Variants in NIT2 observed in about 807,000 individuals in gnomAD.
NIT2 encodes the protein omega-amidase NIT2.
NIT2 carries 46 observed loss-of-function variants against 42.7 expected under a neutral mutation model. The observed-to-expected ratio is 1.08, with a 90% CI of 0.85 to 1.38. The LOEUF is 1.38. NIT2 is among the 40% of genes most tolerant of loss of function. The probability of loss-of-function intolerance (pLI) is 0.00; values close to 1 mark genes in which losing one functional copy is unlikely to be tolerated. For missense variants in NIT2, 309 were observed against 342.5 expected, an observed-to-expected ratio of 0.90 and a Z score of 0.77; for synonymous variants, 123 against 121.9, an observed-to-expected ratio of 1.01 and a Z score of -0.06.
At chr3:100,338,189 G>A (rs1706100921) in intron 1 of NIT2, among the ~76,000 whole-genome samples, 1 of 152,218 alleles carries the variant, frequency 6.6e-6, no homozygotes, top group African/African-American at 2.4e-5. Flanking sequence ...AAATAAGCTT[G>A]GAAGAGCCCC....
rs779332530 is a variant in NIT2 at position 100,339,205 on chromosome 3, G to A, written c.126G>A (p.Pro42=). ...AAGGAGCCAAAATAGTTTCTTTGCC[G>A]GTCAGTATGGGAGCAGCCATTCTGT... The part of the protein sequence containing the change: ...ATQGAKIVSL[P]ECFNSPYGAK... The change falls in exon 2 of 10, where the codon CCG becomes CCA. Residue 42 remains proline (P), a splice_region_variant and synonymous_variant. Coordinates refer to ENST00000394140, the MANE Select transcript of NIT2 (RefSeq NM_020202.5). 7.6e-6 allele frequency: 12 copies of A among 1,580,450 alleles called. No homozygotes were observed. The East Asian group carries it at 1.8e-4, about 24-fold the overall frequency.
rs1472382904 is a variant in NIT2, at chr3:100,361,381, T to C, written c.*6113T>C. On this transcript the variant is annotated 3_prime_UTR_variant, in exon 10 of 10. Transcript: ENST00000394140. Reference sequence around the variant, plus strand: ...CAGGACAACACTTGCACAGGTTATCTTTAAGCACCAACAAAAGAAATGGAG... The same window carrying C: ...CAGGACAACACTTGCACAGGTTATCCTTAAGCACCAACAAAAGAAATGGAG... 1.3e-5 allele frequency: 2 copies of C among 152,208 alleles called. No homozygotes were observed. Among genetic ancestry groups the C allele is most frequent in the Non-Finnish European group, 2.9e-5 (2 of 68,072 alleles). The allele number at this position is 152,208 out of a possible 1,614,324, so 9.4% of individuals were successfully genotyped here. A position where few individuals can be genotyped will look rare whatever the true frequency, so the allele number is the denominator to read the frequency against.
chr3:100,346,301 G>T, intron 6 of NIT2, 46 bp downstream of exon 6: 1 of 1,547,702 alleles, frequency 6.5e-7, no homozygotes. Context: ...TGGAGGCTTG[G>T]TTCTAGGCTG....
In NIT2 at chr3:100,334,864, G is replaced by A. The variant is rs556855493; in HGVS notation, c.7+66G>A. 3.1e-6 allele frequency: 4 copies of A among 1,269,998 alleles called. No individual in the cohort carries two copies. In the East Asian group the frequency reaches 1.2e-4, roughly 37 times the overall value. 78.7% of individuals were successfully genotyped at this position (1,269,998 alleles called of 1,614,324 possible). A position where few individuals can be genotyped will look rare whatever the true frequency, so the allele number is the denominator to read the frequency against. On this transcript the variant is annotated intron_variant, in intron 1 of 9. Coordinates refer to ENST00000394140, the MANE Select transcript of NIT2 (RefSeq NM_020202.5). ...GCGGGGGAGGCTTTGGAGCGGCGCC[G>A]GCGGTGGCTCGGCCGGCTCAGCCCC...
At chr3:100,340,036 A>G (rs1442684727) in intron 3 of NIT2, 101 bp downstream of exon 3, 8 of 926,740 alleles carry the variant, frequency 8.6e-6, no homozygotes, top group African/African-American at 1.7e-5. Context: ...GGGAAGCTTC[A>G]GCTTGGGAAG....
At chr3:100,335,469 T>C (rs1171159995) in intron 1 of NIT2, among the ~76,000 whole-genome samples, 1 of 152,212 alleles carries the variant, frequency 6.6e-6, no homozygotes, top group Non-Finnish European at 1.5e-5. Context: ...TTATGATGAA[T>C]ATTAGGGCAG....
At position 100,352,347 on chromosome 3, in the gene NIT2, A is replaced by G. The variant is rs115726824; in HGVS notation, c.585-57A>G. 5.5e-3 allele frequency: 7,417 copies of G among 1,358,310 alleles called. 45 individuals carry two copies. Among genetic ancestry groups the G allele is most frequent in the South Asian group, 8.3e-3 (704 of 84,382 alleles). The allele number at this position is 1,358,310 out of a possible 1,614,324, so 84.1% of individuals were successfully genotyped here. On this transcript the variant is annotated intron_variant, in intron 7 of 9. Transcript: ENST00000394140. ...AAAGAAGGATCTATCTACTTGGGTT[A>G]GAAAAATGTCAGATTTATAATGTAC...
rs1706332316 is a variant in NIT2, at chr3:100,357,243, A to C, written c.*1975A>C. ...CTAGACTATAGTACCACTGCTCTCTATCCTAGCAGGCACACTGAAAGTTAA... is the reference window on the plus strand; with the variant it reads ...CTAGACTATAGTACCACTGCTCTCTCTCCTAGCAGGCACACTGAAAGTTAA... On this transcript the variant is annotated 3_prime_UTR_variant, in exon 10 of 10. Transcript: ENST00000394140. The C allele has an allele frequency of 6.6e-6, 1 of 152,198 alleles. No homozygotes were observed. Among genetic ancestry groups the C allele is most frequent in the African/African-American group, 2.4e-5 (1 of 41,442 alleles). The allele number at this position is 152,198 out of a possible 1,614,324, so 9.4% of individuals were successfully genotyped here.
At position 100,339,946 on chromosome 3, in the gene NIT2, A is replaced by G; in HGVS notation, c.247+11A>G. On this transcript the variant is annotated intron_variant, in intron 3 of 9. Transcript: ENST00000394140. ...TATATCTCATTGGAGGTAACTTCCT[A>G]CCCACAAGGTATAATGACCTAAACA... 2 of 1,609,906 alleles carry G rather than the reference A, an allele frequency of 1.2e-6. No homozygotes were observed. The highest frequency in any genetic ancestry group is 2.2e-5 in the South Asian group (2 of 90,028).
rs1280071377 is a variant in NIT2 at position 100,335,346 on chromosome 3, T to G, written c.7+548T>G. On this transcript the variant is annotated intron_variant, in intron 1 of 9. Coordinates refer to ENST00000394140, the MANE Select transcript of NIT2 (RefSeq NM_020202.5). ...GTTAATGATACCTCACACAATGATG[T>G]TAATGTGTGAAGGACCTGGCACATT... 2.6e-5 allele frequency among the ~76,000 whole-genome samples: 4 copies of G among 152,258 alleles called. No individual in the cohort carries two copies. In the East Asian group the frequency reaches 7.7e-4, roughly 29 times the overall value.
intron 1 of NIT2, among the ~76,000 whole-genome samples, chr3:100,337,604 C>G (rs1706093523): frequency 6.6e-6 from 1 of 152,132 alleles, no homozygotes; most frequent in Non-Finnish European, 1.5e-5. Context: ...CAGGTGCCCA[C>G]CACCACACCT....
rs746649909 is a variant in NIT2, at chr3:100,346,240, A to G, written c.490A>G (p.Ile164Val). The change falls in exon 6 of 10, where the codon ATC becomes GTC. Residue 164 changes from isoleucine to valine, a missense_variant. Physicochemically the swap from Ile to Val is conservative, Grantham distance 29. Transcript: ENST00000394140. ...CATGCGGTTTGCAGAGCTTGCACAA[A>G]TCTACGCACAGAGAGGTGAGGCAGT... ...YDMRFAELAQ[I>V]YAQRGCQLLV... is the part of the protein sequence containing the mutation. 1.2e-6 allele frequency: 2 copies of G among 1,614,100 alleles called. No homozygotes were observed. The highest frequency in any genetic ancestry group is 2.2e-5 in the South Asian group (2 of 91,078).
intron 4 of NIT2, among the ~76,000 whole-genome samples, chr3:100,341,705 A>G (rs1706156270): frequency 6.6e-6 from 1 of 152,058 alleles, no homozygotes; most frequent in Non-Finnish European, 1.5e-5. Flanking sequence ...CATTGAATAT[A>G]TAGAGAACAC....
In NIT2 at chr3:100,358,629, GATA is replaced by G. The variant is rs1343084246; in HGVS notation, c.*3366_*3368del. On this transcript the variant is annotated 3_prime_UTR_variant, in exon 10 of 10. Coordinates refer to ENST00000394140, the MANE Select transcript of NIT2 (RefSeq NM_020202.5). ...AGCTGTTTGAAGCTGAGAGCTAACAGATAATAAGTGTTGCACTGGTTGCAAATG... is the reference window on the plus strand; with the variant it reads ...AGCTGTTTGAAGCTGAGAGCTAACAGATAAGTGTTGCACTGGTTGCAAATG... 2.0e-5 allele frequency: 3 copies of G among 152,190 alleles called. No individual in the cohort carries two copies. Among genetic ancestry groups the G allele is most frequent in the African/African-American group, 7.2e-5 (3 of 41,436 alleles). The allele number at this position is 152,190 out of a possible 1,614,324, so 9.4% of individuals were successfully genotyped here. A position where few individuals can be genotyped will look rare whatever the true frequency, so the allele number is the denominator to read the frequency against.
intron 8 of NIT2, among the ~76,000 whole-genome samples, chr3:100,353,666 CAG>C (rs1288917930): frequency 1.3e-5 from 2 of 152,126 alleles, no homozygotes; most frequent in Non-Finnish European, 2.9e-5. Context: ...ATCTGGTAAA[CAG>C]AATCAGTTGT....
chr3:100,347,884 CT>C (rs1244853977), intron 6 of NIT2, among the ~76,000 whole-genome samples: 1 of 151,738 alleles, frequency 6.6e-6, no homozygotes. Context: ...GGCCATCTAC[CT>C]TTATGGGTTT....
intron 1 of NIT2, among the ~76,000 whole-genome samples, chr3:100,338,200 C>G (rs1706101070): frequency 6.6e-6 from 1 of 152,206 alleles, no homozygotes; most frequent in Non-Finnish European, 1.5e-5. Context: ...GAAGAGCCCC[C>G]AACCTCCTTG....
In NIT2 at chr3:100,354,824, A is replaced by T; in HGVS notation, c.736A>T (p.Ile246Leu). Residue 246 changes from isoleucine to leucine, a missense_variant, in exon 9 of 10, where the codon ATA (isoleucine) becomes TTA (leucine). By Grantham distance (5) the Ile-to-Leu change is conservative. Transcript: ENST00000394140. ...GTEEAIVYSD[I>L]DLKKLAEIRQ... Reference sequence around the variant, plus strand: ...AGAAGAAGCAATCGTGTATTCAGACATAGGTAAGATTTTCCTGGGCATGGT... The same window carrying T: ...AGAAGAAGCAATCGTGTATTCAGACTTAGGTAAGATTTTCCTGGGCATGGT... 1 of 1,611,110 alleles carries T rather than the reference A, an allele frequency of 6.2e-7. No individual in the cohort carries two copies.
rs150756931 is a variant in NIT2 at position 100,361,064 on chromosome 3, G to C, written c.*5796G>C. The C allele has an allele frequency of 6.5e-6, 1 of 153,024 alleles. No homozygotes were observed. The highest frequency in any genetic ancestry group is 1.9e-4 in the East Asian group (1 of 5,188). 9.5% of individuals were successfully genotyped at this position (153,024 alleles called of 1,614,324 possible). Reference sequence around the variant, plus strand: ...TATGTTCTAAATAATTAAGTCTGTTGTCTGACCCAGGAGTCTCATGTCTTC... The same window carrying C: ...TATGTTCTAAATAATTAAGTCTGTTCTCTGACCCAGGAGTCTCATGTCTTC... On this transcript the variant is annotated 3_prime_UTR_variant, in exon 10 of 10. Coordinates refer to ENST00000394140, the MANE Select transcript of NIT2 (RefSeq NM_020202.5).
Sources: gnomAD v4.1 joint callset for allele counts (sites outside exome capture counted in the v4.1 genomes callset) on GRCh38, gnomAD v4.1.1 for gene constraint, MANE v1.5 for transcripts, NCBI Gene and HGNC (gene_info 2026-07-23, HGNC 2026-07-21) for gene names.